TGM4: variants seen among roughly 807,000 people sequenced by gnomAD.
TGM4 encodes transglutaminase 4.
A neutral mutation model predicts 76.3 loss-of-function variants in TGM4; 61 were observed. The ratio of observed to expected loss-of-function variants is 0.80; its 90% confidence interval spans 0.65 to 0.99. TGM4 has a LOEUF of 0.99. Among genes scored for constraint, TGM4 ranks in the 50% least tolerant of loss-of-function variants. The probability of loss-of-function intolerance (pLI) is 0.00; values close to 1 mark genes in which losing one functional copy is unlikely to be tolerated. For synonymous variants in TGM4, 337 were observed against 329.8 expected (o/e 1.02, Z -0.24); for missense variants, 794 against 843.2 (o/e 0.94, Z 0.72).
chr3:44,897,871 A>G (rs1383304971), intron 6 of TGM4, among the ~76,000 whole-genome samples: 1 of 152,204 alleles, frequency 6.6e-6, no homozygotes, highest in East Asian at 1.9e-4. Flanking sequence ...CATTTTTGCA[A>G]ATCTCTTTAA....
Position 44,885,448 on chromosome 3 carries a change from T to C in TGM4, c.143T>C (p.Leu48Pro). Reference sequence around the variant, plus strand: ...CAGGTGTTTCACCTGCGGCTGGTGCTGAACCAGCCCCTACAATCCTACCAC... The same window carrying C: ...CAGGTGTTTCACCTGCGGCTGGTGCCGAACCAGCCCCTACAATCCTACCAC... ...RGQVFHLRLV[L>P]NQPLQSYHQL... Residue 48 changes from leucine to proline, a missense_variant, in exon 2 of 14, where the codon CTG (leucine) becomes CCG (proline). By Grantham distance (98) the Leu-to-Pro change is moderately conservative. Transcript: ENST00000296125. 1 of 1,613,066 alleles carries C rather than the reference T, an allele frequency of 6.2e-7. No homozygotes were observed. Among genetic ancestry groups the C allele is most frequent in the Non-Finnish European group, 8.5e-7 (1 of 1,179,892 alleles).
In TGM4 at chr3:44,901,491, C is replaced by T. The variant is rs189872408; in HGVS notation, c.658-33C>T. On this transcript the variant is annotated intron_variant, in intron 6 of 13. Transcript: ENST00000296125. ...GGCAGCACCTTGTTCTTCTGAGGGG[C>T]GGACACTGACCCCACCCCTACGTGT... 260 of 1,569,164 alleles carry T rather than the reference C, an allele frequency of 1.7e-4. No individual in the cohort carries two copies. The African/African-American group carries it at 2.9e-3, about 18-fold the overall frequency.
In TGM4 at chr3:44,901,649, G is replaced by A; in HGVS notation, c.783G>A (p.Gln261=). ...PILQQYYNTK[Q]AVCFGQCWVF... is the part of the protein sequence containing the mutation. ...TGCAGCAGTACTACAACACGAAGCA[G>A]GCTGTGTGCTTTGGCCAGTGCTGGG... is the stretch of plus-strand genomic sequence containing the variant. Residue 261 remains glutamine, a synonymous_variant, in exon 7 of 14, where the codon CAG becomes CAA. Coordinates refer to ENST00000296125, the MANE Select transcript of TGM4 (RefSeq NM_003241.4). 1 of 1,614,206 alleles carries A rather than the reference G, an allele frequency of 6.2e-7. No individual in the cohort carries two copies. Among genetic ancestry groups the A allele is most frequent in the Non-Finnish European group, 8.5e-7 (1 of 1,180,020 alleles).
chr3:44,874,969 C>G (rs1699431588), intron 1 of TGM4, among the ~76,000 whole-genome samples: 1 of 152,202 alleles, frequency 6.6e-6, no homozygotes, highest in African/African-American at 2.4e-5. Flanking sequence ...ACTGCATTTG[C>G]TTTATCCTTC....
chr3:44,896,546 G>C (rs1313950524), intron 5 of TGM4, among the ~76,000 whole-genome samples, 163 bp from the exon 6 acceptor site: 4 of 152,188 alleles, frequency 2.6e-5, no homozygotes, highest in Admixed American at 6.5e-5. Context: ...ACATTTAAAT[G>C]GTTTCTAATT....
intron 1 of TGM4, among the ~76,000 whole-genome samples, chr3:44,875,801 A>G (rs2125744822): frequency 6.6e-6 from 1 of 152,340 alleles, no homozygotes; most frequent in South Asian, 2.1e-4. Context: ...ACATTGCGAA[A>G]TAAATCAGAC....
intron 1 of TGM4, among the ~76,000 whole-genome samples, chr3:44,879,636 C>T (rs977611316): frequency 3.3e-5 from 5 of 151,562 alleles, no homozygotes; most frequent in Non-Finnish European, 7.4e-5. Flanking sequence ...CCACATCCGG[C>T]TAATTTTGAT....
intron 1 of TGM4, among the ~76,000 whole-genome samples, chr3:44,878,863 C>T (rs1470247335): frequency 1.3e-5 from 2 of 152,154 alleles, no homozygotes; most frequent in African/African-American, 4.8e-5. Context: ...AAGTTTTCAA[C>T]CATCACCTCT....
Position 44,887,819 on chromosome 3 carries a change from G to A in TGM4, c.300+24G>A, listed in dbSNP as rs1245703767. 5 of 1,608,888 alleles carry A rather than the reference G, an allele frequency of 3.1e-6. No homozygotes were observed. In the Admixed American group the frequency reaches 8.3e-5, roughly 27 times the overall value. ...AGGTGAGCACCCACTGGGCTGGCGG[G>A]TGGGCTGGCTGGCTTCTGGCGGAAT... On this transcript the variant is annotated intron_variant, in intron 3 of 13. Transcript: ENST00000296125.
At chr3:44,888,919 A>G (rs1699649679) in intron 3 of TGM4, 1 of 152,104 alleles carries the variant, frequency 6.6e-6, no homozygotes, top group Non-Finnish European at 1.5e-5. Flanking sequence ...GTTTGATCCC[A>G]GCTCCACCTC....
rs554203271 is a variant in TGM4, at chr3:44,875,199, A to C, written c.19+502A>C. Among the ~76,000 whole-genome samples the C allele has an allele frequency of 2.0e-4, 31 of 152,366 alleles. No homozygotes were observed. In the South Asian group the frequency reaches 5.2e-3, roughly 25 times the overall value. On this transcript the variant is annotated intron_variant, in intron 1 of 13. Transcript: ENST00000296125. Reference sequence around the variant, plus strand: ...AACCCACAGATTTTATGCAGATTTCATCAACTGTCCCAATAATGTCATTTA... The same window carrying C: ...AACCCACAGATTTTATGCAGATTTCCTCAACTGTCCCAATAATGTCATTTA...
intron 4 of TGM4, among the ~76,000 whole-genome samples, 157 bp downstream of exon 4, chr3:44,890,889 C>T (rs902350345): frequency 5.9e-5 from 9 of 152,274 alleles, no homozygotes; most frequent in East Asian, 1.9e-4. Context: ...ACCAATGGAG[C>T]GTTTTCTTTG....
In TGM4 at chr3:44,914,485, C is replaced by T. The variant is rs1700056416; in HGVS notation, c.*760C>T. 1 of 152,210 alleles carries T rather than the reference C, an allele frequency of 6.6e-6. No individual in the cohort carries two copies. The highest frequency in any genetic ancestry group is 2.4e-5 in the African/African-American group (1 of 41,432). The allele number at this position is 152,210 out of a possible 1,614,324, so 9.4% of individuals were successfully genotyped here. On this transcript the variant is annotated 3_prime_UTR_variant, in exon 14 of 14. Coordinates refer to ENST00000296125, the MANE Select transcript of TGM4 (RefSeq NM_003241.4). ...AACTCTTTCTTTGGTATTCCATCCA[C>T]TATCCTGGCAACTCAAGGCTGCTTC...
rs771700305 is a variant in TGM4, at chr3:44,887,652, C to A, written c.194-37C>A. On this transcript the variant is annotated intron_variant, in intron 2 of 13. Transcript: ENST00000296125. ...AGAGGAGATTGTCTTGGGGGTGGCC[C>A]ATGGCTGGGCCAATGTTTTCCTTTG... 8 of 1,600,680 alleles carry A rather than the reference C, an allele frequency of 5.0e-6. No individual in the cohort carries two copies. In the East Asian group the frequency reaches 1.8e-4, roughly 36 times the overall value.
intron 10 of TGM4, 33 bp downstream of exon 10, chr3:44,907,233 C>T (rs1305254866): frequency 6.2e-7 from 1 of 1,606,578 alleles, no homozygotes; most frequent in Non-Finnish European, 8.5e-7. Context: ...TCTGACTCAG[C>T]CCCTGAGTCA....
chr3:44,899,950 A>G (rs1319383465), intron 6 of TGM4, among the ~76,000 whole-genome samples: 2 of 152,188 alleles, frequency 1.3e-5, no homozygotes, highest in Non-Finnish European at 2.9e-5. Context: ...CAGAAGTGAC[A>G]GCCATCACTT....
At position 44,893,608 on chromosome 3, in the gene TGM4, G is replaced by A; in HGVS notation, c.462G>A (p.Glu154=). ...TGGTTTTCATGCCTGATGAGGACGA[G>A]CGCAAAGAGTACATCCTCAATGACA... The part of the protein sequence containing the change: ...EDMVFMPDED[E]RKEYILNDTG... Residue 154 remains glutamate, a synonymous_variant, in exon 5 of 14, where the codon GAG becomes GAA. Transcript: ENST00000296125. 1 of 1,613,872 alleles carries A rather than the reference G, an allele frequency of 6.2e-7. No individual in the cohort carries two copies. The highest frequency in any genetic ancestry group is 1.1e-5 in the South Asian group (1 of 91,072).
chr3:44,875,277 G>T (rs980169768), intron 1 of TGM4, among the ~76,000 whole-genome samples: 4 of 152,062 alleles, frequency 2.6e-5, no homozygotes, highest in Non-Finnish European at 5.9e-5. Context: ...GTGCCTCTTC[G>T]GTCTCCTTTG....
Position 44,913,706 on chromosome 3 carries a change from T to C in TGM4, c.2036T>C (p.Ile679Thr). The C allele has an allele frequency of 1.2e-6, 2 of 1,613,888 alleles. No individual in the cohort carries two copies. The highest frequency in any genetic ancestry group is 1.3e-5 in the African/African-American group (1 of 75,032). Reference protein sequence around the residue: ...KQVKEINAQKIVLITK With the variant: ...KQVKEINAQKTVLITK ...GTGAAAGAGATTAATGCTCAGAAGA[T>C]TGTTCTCATCACCAAGTAGCCTTGT... Residue 679 changes from isoleucine to threonine, a missense_variant, in exon 14 of 14, where the codon ATT (isoleucine) becomes ACT (threonine). By Grantham distance (89) the Ile-to-Thr change is moderately conservative. Transcript: ENST00000296125.
Sources: gnomAD v4.1 joint callset for allele counts (sites outside exome capture counted in the v4.1 genomes callset) on GRCh38, gnomAD v4.1.1 for gene constraint, MANE v1.5 for transcripts, NCBI Gene and HGNC (gene_info 2026-07-23, HGNC 2026-07-21) for gene names.